Variants in DGKB observed in about 807,000 individuals in gnomAD.
DGKB encodes 90 kDa diacylglycerol kinase.
In DGKB, 67 loss-of-function variants were observed where a neutral mutation model predicts 114.3. That is an observed-to-expected ratio of 0.59 (90% CI 0.48 to 0.72). The LOEUF is 0.72. DGKB is among the 30% of genes least tolerant of loss of function. The pLI is 0.00. For missense variants in DGKB, 907 were observed against 975.2 expected (o/e 0.93, Z 0.93); for synonymous variants, 398 against 323.1 (o/e 1.23, Z -2.49).
At chr7:14,185,180 T>C (rs1160609203) in intron 23 of DGKB, among the ~76,000 whole-genome samples, 1 of 152,178 alleles carries the variant, frequency 6.6e-6, no homozygotes, top group Non-Finnish European at 1.5e-5. Context: ...AGTTTCCAGA[T>C]GCAGGATTAA....
chr7:14,562,699 G>C (rs574916860), intron 20 of DGKB, among the ~76,000 whole-genome samples: 246 of 152,286 alleles, frequency 1.6e-3, no homozygotes, highest in African/African-American at 5.4e-3. Flanking sequence ...TTTGGAATGA[G>C]TGTATTTACC....
intron 1 of DGKB, among the ~76,000 whole-genome samples, chr7:14,897,782 TC>T (rs2128233832): frequency 6.6e-6 from 1 of 152,114 alleles, no homozygotes; most frequent in South Asian, 2.1e-4. Context: ...ACACTTGCTC[TC>T]AGACATCATA....
At chr7:14,813,974 T>C (rs933544781) in intron 2 of DGKB, among the ~76,000 whole-genome samples, 36 of 152,184 alleles carry the variant, frequency 2.4e-4, no homozygotes, top group African/African-American at 8.4e-4. Context: ...ATTCTATTTA[T>C]ATTCAATTTT....
At chr7:14,920,073 A>G (rs1465950818) in intron 1 of DGKB, among the ~76,000 whole-genome samples, 1 of 152,204 alleles carries the variant, frequency 6.6e-6, no homozygotes, top group Non-Finnish European at 1.5e-5. Flanking sequence ...AGGATGACAT[A>G]GAAAATCTAG....
At chr7:14,553,220 G>A (rs1584766846) in intron 20 of DGKB, among the ~76,000 whole-genome samples, 1 of 152,190 alleles carries the variant, frequency 6.6e-6, no homozygotes. Context: ...ATATGCACAT[G>A]CTTTGTCACT....
At chr7:14,673,048 A>G (rs373992047) in intron 12 of DGKB, 21 bp from the exon 13 acceptor site, 27 of 1,426,056 alleles carry the variant, frequency 1.9e-5, no homozygotes, top group Non-Finnish European at 2.4e-5. Flanking sequence ...AGAAAGGGGG[A>G]TAGTATCAAA....
At chr7:14,574,453 G>T in intron 19 of DGKB, 81 bp from the exon 20 acceptor site, 1 of 1,138,684 alleles carries the variant, frequency 8.8e-7, no homozygotes, top group Non-Finnish European at 1.3e-6. Flanking sequence ...GTGTGCTTAT[G>T]CATATGTAAT....
intron 23 of DGKB, among the ~76,000 whole-genome samples, chr7:14,320,000 A>AATT (rs1344198044): frequency 2.0e-5 from 3 of 152,154 alleles, no homozygotes; most frequent in African/African-American, 7.2e-5. Flanking sequence ...GCTCATTGGG[A>AATT]ATTTCTCCTT....
intron 2 of DGKB, among the ~76,000 whole-genome samples, chr7:14,769,243 A>C (rs180834885): frequency 2.4e-5 from 3 of 127,198 alleles, no homozygotes; most frequent in Admixed American, 8.0e-5. Context: ...AGAAAGAAAG[A>C]AAGAAAGAAA....
intron 2 of DGKB, among the ~76,000 whole-genome samples, chr7:14,839,826 C>T (rs773410753): frequency 6.6e-6 from 1 of 150,618 alleles, no homozygotes. Flanking sequence ...TAGTCATAGA[C>T]TTTTTTTAGT....
At chr7:14,654,113 GATA>G (rs1407902166) in intron 13 of DGKB, among the ~76,000 whole-genome samples, 1 of 151,958 alleles carries the variant, frequency 6.6e-6, no homozygotes, top group Non-Finnish European at 1.5e-5. Flanking sequence ...TTGTAAATGA[GATA>G]ATCTTACATA....
chr7:14,351,705 T>C (rs1450989549), intron 21 of DGKB, among the ~76,000 whole-genome samples: 1 of 152,172 alleles, frequency 6.6e-6, no homozygotes, highest in Non-Finnish European at 1.5e-5. Flanking sequence ...TTGTAAAAAT[T>C]ATGGTATCAA....
chr7:14,407,647 A>T (rs1824162227), intron 21 of DGKB, among the ~76,000 whole-genome samples: 1 of 152,150 alleles, frequency 6.6e-6, no homozygotes, highest in South Asian at 2.1e-4. Context: ...ATTAAAATAA[A>T]CTGAAAACTG....
chr7:14,551,994 G>A (rs1199797261), intron 20 of DGKB, among the ~76,000 whole-genome samples: 1 of 152,020 alleles, frequency 6.6e-6, no homozygotes, highest in East Asian at 1.9e-4. Flanking sequence ...CCATAAGGTG[G>A]TCACTAACAT....
At chr7:14,488,216 G>C (rs766018207) in intron 20 of DGKB, among the ~76,000 whole-genome samples, 2 of 152,076 alleles carry the variant, frequency 1.3e-5, no homozygotes, top group African/African-American at 4.8e-5. Context: ...TGACCTCAGA[G>C]AATCTAGAGA....
At chr7:14,231,046 T>C (rs969419982) in intron 23 of DGKB, among the ~76,000 whole-genome samples, 2 of 152,104 alleles carry the variant, frequency 1.3e-5, no homozygotes, top group African/African-American at 2.4e-5. Flanking sequence ...GGCTGACGAA[T>C]TGTATTAAGC....
intron 23 of DGKB, among the ~76,000 whole-genome samples, chr7:14,182,330 G>C (rs1782749526): frequency 6.6e-6 from 1 of 151,050 alleles, no homozygotes; most frequent in Non-Finnish European, 1.5e-5. Flanking sequence ...TAATAAGAAA[G>C]CATATATATC....
At chr7:14,465,869 C>G (rs2128877540) in intron 21 of DGKB, among the ~76,000 whole-genome samples, 1 of 151,980 alleles carries the variant, frequency 6.6e-6, no homozygotes, top group East Asian at 1.9e-4. Flanking sequence ...CACACTTGCT[C>G]ACATGTGATA....
intron 1 of DGKB, among the ~76,000 whole-genome samples, chr7:14,972,671 GAA>G (rs35166956): frequency 0.61 from 85,726 of 140,762 alleles, 26,876 homozygotes; most frequent in East Asian, 0.83. Flanking sequence ...AAAGATTGTT[GAA>G]AAAAAAAAAA....
Sources: allele counts gnomAD v4.1 joint callset (sites outside exome capture counted in the v4.1 genomes callset), GRCh38; gene constraint gnomAD v4.1.1; transcripts MANE v1.5; gene names NCBI Gene and HGNC (gene_info 2026-07-23, HGNC 2026-07-21).